Variants in CSMD3 observed in about 807,000 individuals in gnomAD.
CSMD3 encodes CUB and sushi domain-containing protein 3.
In CSMD3, 177 loss-of-function variants were observed where a neutral mutation model predicts 435.2. The observed-to-expected ratio is 0.41, with a 90% CI of 0.36 to 0.46. CSMD3 has a LOEUF of 0.46. Among genes scored for constraint, CSMD3 ranks in the 20% least tolerant of loss-of-function variants. CSMD3 has a pLI of 0.34. For synonymous variants in CSMD3, 1,656 were observed against 1,520.5 expected (o/e 1.09, Z -2.07); for missense variants, 4,265 against 4,504.6 (o/e 0.95, Z 1.52).
intron 63 of CSMD3, among the ~76,000 whole-genome samples, chr8:112,247,662 T>C (rs1399033877): frequency 6.6e-6 from 1 of 152,104 alleles, no homozygotes; most frequent in Non-Finnish European, 1.5e-5. Flanking sequence ...TTTAAGGGTA[T>C]AGTAATTAGG....
Position 112,265,402 on chromosome 8 carries a change from T to C in CSMD3, c.9688+9A>G, listed in dbSNP as rs745936094. The stretch of plus-strand genomic sequence containing the variant: ...CCATTTTTAAATGTTGAAGAAATCA[T>C]TATCATACCTCTACAAGTTGGCATT... On this transcript the variant is annotated intron_variant, in intron 60 of 70. Transcript: ENST00000297405. 6.3e-7 allele frequency: 1 copy of C among 1,596,272 alleles called. No individual in the cohort carries two copies. The highest frequency in any genetic ancestry group is 8.6e-7 in the Non-Finnish European group (1 of 1,164,028).
At chr8:112,693,647 A>T (rs1350015978) in intron 13 of CSMD3, among the ~76,000 whole-genome samples, 2 of 151,830 alleles carry the variant, frequency 1.3e-5, no homozygotes, top group African/African-American at 4.8e-5. Flanking sequence ...TTTTTCTACT[A>T]GGTGCTCAAT....
intron 7 of CSMD3, among the ~76,000 whole-genome samples, chr8:112,963,855 A>G (rs2084322690): frequency 6.6e-6 from 1 of 151,972 alleles, no homozygotes; most frequent in South Asian, 2.1e-4. Context: ...CCAATATTCC[A>G]TATCAATATT....
intron 13 of CSMD3, among the ~76,000 whole-genome samples, chr8:112,717,455 C>A (rs1451303512): frequency 6.6e-6 from 1 of 152,148 alleles, no homozygotes; most frequent in Non-Finnish European, 1.5e-5. Context: ...TGCTTTTACA[C>A]TGTTGTTGGG....
chr8:113,428,706 G>T (rs1238407459), intron 1 of CSMD3, among the ~76,000 whole-genome samples: 1 of 151,786 alleles, frequency 6.6e-6, no homozygotes, highest in Non-Finnish European at 1.5e-5. Context: ...ACATAAGAAT[G>T]TCTCGTATCC....
chr8:113,018,598 A>G (rs1564213947), intron 6 of CSMD3, among the ~76,000 whole-genome samples: 2 of 152,162 alleles, frequency 1.3e-5, no homozygotes, highest in Non-Finnish European at 2.9e-5. Flanking sequence ...TGCATCAAAT[A>G]TTATATCCTA....
chr8:113,042,763 T>A (rs1227715064), intron 5 of CSMD3, among the ~76,000 whole-genome samples: 1 of 152,048 alleles, frequency 6.6e-6, no homozygotes, highest in African/African-American at 2.4e-5. Context: ...TGGTTGCATA[T>A]AAAAGAAGGA....
At chr8:112,886,482 T>C (rs2081602571) in intron 10 of CSMD3, among the ~76,000 whole-genome samples, 1 of 151,480 alleles carries the variant, frequency 6.6e-6, no homozygotes, top group Non-Finnish European at 1.5e-5. Context: ...GCAATTCCTA[T>C]CCTGAGAAAT....
chr8:112,327,421 G>A (rs1175299847), intron 45 of CSMD3, among the ~76,000 whole-genome samples: 1 of 152,042 alleles, frequency 6.6e-6, no homozygotes, highest in Admixed American at 6.5e-5. Flanking sequence ...AGGTGGACAA[G>A]GTCACACATT....
At chr8:112,989,451 G>T (rs1030054397) in intron 6 of CSMD3, among the ~76,000 whole-genome samples, 8 of 151,988 alleles carry the variant, frequency 5.3e-5, no homozygotes, top group Admixed American at 4.6e-4. Flanking sequence ...TTCATTCAAT[G>T]AATACTACAT....
chr8:112,456,696 T>C (rs527711942), intron 32 of CSMD3, among the ~76,000 whole-genome samples: 1 of 152,164 alleles, frequency 6.6e-6, no homozygotes, highest in African/African-American at 2.4e-5. Flanking sequence ...TTTTTATAGA[T>C]GAGATGTCAG....
chr8:112,306,198 A>G lies in CSMD3; in HGVS notation c.7886-6T>C. 3 of 1,610,810 alleles carry G rather than the reference A, an allele frequency of 1.9e-6. No homozygotes were observed. The highest frequency in any genetic ancestry group is 2.5e-6 in the Non-Finnish European group (3 of 1,177,702). On this transcript the variant is annotated splice_polypyrimidine_tract_variant and splice_region_variant and intron_variant, in intron 50 of 70. Transcript: ENST00000297405. ...AGGAATCCCACAGGAAATTGCTAGA[A>G]AAACATACACACAAGCAAAATCGTA...
chr8:113,426,627 T>C (rs907161087), intron 1 of CSMD3, among the ~76,000 whole-genome samples: 1 of 151,438 alleles, frequency 6.6e-6, no homozygotes, highest in African/African-American at 2.4e-5. Context: ...AACAAATGGC[T>C]AATAGGAATG....
At chr8:112,641,992 G>A (rs1309143648) in intron 20 of CSMD3, among the ~76,000 whole-genome samples, 1 of 152,018 alleles carries the variant, frequency 6.6e-6, no homozygotes, top group African/African-American at 2.4e-5. Context: ...ATTCTAATAA[G>A]GCAGGGAGAA....
At chr8:112,327,670 A>G (rs1823632838) in intron 45 of CSMD3, among the ~76,000 whole-genome samples, 1 of 152,128 alleles carries the variant, frequency 6.6e-6, no homozygotes, top group Non-Finnish European at 1.5e-5. Context: ...TGCCCCACCA[A>G]CTTTTAAACA....
At chr8:113,210,110 A>G (rs2092816871) in intron 3 of CSMD3, among the ~76,000 whole-genome samples, 1 of 151,602 alleles carries the variant, frequency 6.6e-6, no homozygotes, top group Non-Finnish European at 1.5e-5. Flanking sequence ...TTGAAAGGTT[A>G]GGTTCAGCTA....
At chr8:112,834,271 G>T (rs2079960660) in intron 11 of CSMD3, among the ~76,000 whole-genome samples, 1 of 151,782 alleles carries the variant, frequency 6.6e-6, no homozygotes, top group Admixed American at 6.6e-5. Flanking sequence ...CAGTTTCAGT[G>T]ACATACAATT....
intron 3 of CSMD3, among the ~76,000 whole-genome samples, chr8:113,194,436 A>G (rs900332291): frequency 1.3e-4 from 20 of 151,272 alleles, no homozygotes; most frequent in Non-Finnish European, 2.4e-4. Context: ...GGATTTTTAG[A>G]CCAGTAAAAC....
intron 13 of CSMD3, among the ~76,000 whole-genome samples, chr8:112,739,477 G>A (rs2077256759): frequency 6.6e-6 from 1 of 151,706 alleles, no homozygotes; most frequent in Non-Finnish European, 1.5e-5. Flanking sequence ...TTTAATTCAT[G>A]CATCCTGTAA....
Sources: allele counts gnomAD v4.1 joint callset (sites outside exome capture counted in the v4.1 genomes callset), GRCh38; gene constraint gnomAD v4.1.1; transcripts MANE v1.5; gene names NCBI Gene and HGNC (gene_info 2026-07-23, HGNC 2026-07-21).